RBFOX1: variants seen among roughly 807,000 people sequenced by gnomAD.
The protein encoded by RBFOX1 is RNA binding protein fox-1 homolog 1.
A neutral mutation model predicts 57.7 loss-of-function variants in RBFOX1; 8 were observed. The observed-to-expected ratio is 0.14, with a 90% CI of 0.08 to 0.25. The LOEUF (loss-of-function observed/expected upper bound fraction) is 0.25, where lower values mean the gene tolerates loss of function less well. RBFOX1 is among the 10% of genes least tolerant of loss of function. The pLI is 1.00. For missense variants in RBFOX1, 611 were observed against 548.5 expected (o/e 1.11, Z -1.14); for synonymous variants, 326 against 222.4 (o/e 1.47, Z -4.15).
intron 4 of RBFOX1, among the ~76,000 whole-genome samples, chr16:7,335,903 T>C (rs1403910068): frequency 1.3e-5 from 2 of 152,172 alleles, no homozygotes; most frequent in Non-Finnish European, 2.9e-5. Flanking sequence ...ACAGAATGAC[T>C]ATGGAGAATT....
At chr16:7,445,998 T>C (rs377690806) in intron 4 of RBFOX1, among the ~76,000 whole-genome samples, 6 of 152,140 alleles carry the variant, frequency 3.9e-5, no homozygotes, top group African/African-American at 1.4e-4. Context: ...ATCTTCTCTT[T>C]CTAATCTCAG....
At chr16:7,644,789 C>G (rs1224269171) in intron 11 of RBFOX1, among the ~76,000 whole-genome samples, 3 of 152,138 alleles carry the variant, frequency 2.0e-5, no homozygotes, top group African/African-American at 7.2e-5. Flanking sequence ...AAGAAAACAA[C>G]AGGGTAATAT....
intron 2 of RBFOX1, among the ~76,000 whole-genome samples, chr16:5,581,479 C>T (rs2046664189): frequency 6.6e-6 from 1 of 152,182 alleles, no homozygotes; most frequent in Admixed American, 6.5e-5. Flanking sequence ...TGGAGGCAGA[C>T]ATCTACTTTG....
intron 3 of RBFOX1, among the ~76,000 whole-genome samples, chr16:5,765,004 C>T (rs1003690739): frequency 1.3e-5 from 2 of 152,084 alleles, no homozygotes; most frequent in East Asian, 1.9e-4. Context: ...GACCAAGTCT[C>T]GCAGGGTACC....
intron 11 of RBFOX1, among the ~76,000 whole-genome samples, chr16:7,639,408 G>C (rs1381830749): frequency 6.6e-6 from 1 of 152,172 alleles, no homozygotes; most frequent in Non-Finnish European, 1.5e-5. Flanking sequence ...CATTTTCTCA[G>C]AGATAATTCC....
In RBFOX1 at chr16:7,265,727, G is replaced by A. The variant is rs553506980; in HGVS notation, c.27+213629G>A. Among the ~76,000 whole-genome samples, 340 of 152,320 alleles carry A rather than the reference G, an allele frequency of 2.2e-3. 3 individuals carry two copies. Among genetic ancestry groups the A allele is most frequent in the African/African-American group, 7.8e-3 (323 of 41,586 alleles). ...GCCTCCCAGTGTGCTGGGATTATAG[G>A]CGTGAGCCACCATGCCTGGCCAGGT... is the stretch of plus-strand genomic sequence containing the variant. On this transcript the variant is annotated intron_variant, in intron 4 of 15. Coordinates refer to ENST00000550418, the MANE Select transcript of RBFOX1 (RefSeq NM_018723.4).
chr16:7,626,080 C>G (rs1302249914), intron 10 of RBFOX1, among the ~76,000 whole-genome samples: 1 of 152,162 alleles, frequency 6.6e-6, no homozygotes, highest in East Asian at 1.9e-4. Flanking sequence ...AGAGCTGAGT[C>G]CAGAAAGGAG....
chr16:7,502,570 A>T (rs1450444437), intron 4 of RBFOX1, among the ~76,000 whole-genome samples: 2 of 152,180 alleles, frequency 1.3e-5, no homozygotes, highest in Non-Finnish European at 2.9e-5. Context: ...GTAGTGAGGC[A>T]TAAACTTTTT....
rs541590642 is a variant in RBFOX1, at chr16:7,414,075, T to C, written c.28-104072T>C. 2.4e-4 allele frequency among the ~76,000 whole-genome samples: 37 copies of C among 152,292 alleles called. No individual in the cohort carries two copies. In the South Asian group the frequency reaches 6.4e-3, roughly 26 times the overall value. On this transcript the variant is annotated intron_variant, in intron 4 of 15. Coordinates refer to ENST00000550418, the MANE Select transcript of RBFOX1 (RefSeq NM_018723.4). ...TTACTCATCAAATTTGGGAGTGAGATAAGAATCTGTACATGTTACAAAGAA... is the reference window on the plus strand; with the variant it reads ...TTACTCATCAAATTTGGGAGTGAGACAAGAATCTGTACATGTTACAAAGAA...
At chr16:5,279,248 C>G (rs1319115953) in intron 1 of RBFOX1, among the ~76,000 whole-genome samples, 2 of 152,032 alleles carry the variant, frequency 1.3e-5, no homozygotes. Flanking sequence ...GTGTCCTTCT[C>G]AATTTATTTT....
chr16:6,356,961 C>G (rs1169066104), intron 2 of RBFOX1, among the ~76,000 whole-genome samples: 2 of 152,140 alleles, frequency 1.3e-5, no homozygotes, highest in African/African-American at 4.8e-5. Flanking sequence ...CAGGCAATCA[C>G]TCCTCCAGCA....
At chr16:6,842,982 C>G (rs555641425) in intron 3 of RBFOX1, among the ~76,000 whole-genome samples, 1 of 152,212 alleles carries the variant, frequency 6.6e-6, no homozygotes, top group South Asian at 2.1e-4. Context: ...TCATCCATGT[C>G]CTTGCAAAGG....
At chr16:6,796,270 T>C (rs12921548) in intron 3 of RBFOX1, among the ~76,000 whole-genome samples, 19,347 of 152,164 alleles carry the variant, frequency 0.13, 1,499 homozygotes, top group East Asian at 0.22. Flanking sequence ...CGTAATTCAG[T>C]CAACTCTCAC....
chr16:7,198,875 A>G (rs1009200450), intron 4 of RBFOX1, among the ~76,000 whole-genome samples: 23 of 152,212 alleles, frequency 1.5e-4, no homozygotes, highest in South Asian at 6.2e-4. Context: ...GAGGCAAAAT[A>G]TAGTGTTGGT....
At position 5,814,333 on chromosome 16, in the gene RBFOX1, A is replaced by G. The variant is rs1420403320; in HGVS notation, c.319-52970A>G. The stretch of plus-strand genomic sequence containing the variant: ...TGTAAAAGAATATAAAAATAAATTC[A>G]CTCTAATTTATATGAAGATCTCTGT... On this transcript the variant is annotated intron_variant, in intron 3 of 19. Coordinates refer to the RBFOX1 transcript ENST00000641259. Among the ~76,000 whole-genome samples, 3 of 152,110 alleles carry G rather than the reference A, an allele frequency of 2.0e-5. No homozygotes were observed. The East Asian group carries it at 5.8e-4, about 29-fold the overall frequency.
At chr16:6,497,657 A>T (rs546534859) in intron 2 of RBFOX1, among the ~76,000 whole-genome samples, 1 of 151,924 alleles carries the variant, frequency 6.6e-6, no homozygotes, top group Non-Finnish European at 1.5e-5. Context: ...CCCAGGTTCA[A>T]GTGATTGTCC....
intron 4 of RBFOX1, among the ~76,000 whole-genome samples, chr16:7,482,828 C>T (rs1382305362): frequency 6.6e-6 from 1 of 152,112 alleles, no homozygotes; most frequent in Non-Finnish European, 1.5e-5. Flanking sequence ...GATGTTCTGT[C>T]CCCAAATCCT....
At chr16:7,077,292 C>G (rs73538789) in intron 4 of RBFOX1, among the ~76,000 whole-genome samples, 4 of 152,140 alleles carry the variant, frequency 2.6e-5, no homozygotes, top group Non-Finnish European at 1.5e-5. Flanking sequence ...CAAAGTACAT[C>G]GGTGATGTCC....
chr16:5,549,663 T>G (rs1567219397), intron 2 of RBFOX1, among the ~76,000 whole-genome samples: 1 of 152,176 alleles, frequency 6.6e-6, no homozygotes, highest in Non-Finnish European at 1.5e-5. Flanking sequence ...ATCAGTGAGA[T>G]GTTTAAAAAG....
Sources: allele counts gnomAD v4.1 joint callset (sites outside exome capture counted in the v4.1 genomes callset), GRCh38; gene constraint gnomAD v4.1.1; transcripts MANE v1.5; gene names NCBI Gene and HGNC (gene_info 2026-07-23, HGNC 2026-07-21).